The following SIPA1 variants were observed in gnomAD, a reference collection of about 807,000 sequenced individuals.
SIPA1 encodes signal-induced proliferation-associated 1.
Under a neutral mutation model 88.1 loss-of-function variants are expected in SIPA1, and 51 were observed. The observed-to-expected ratio is 0.58, with a 90% CI of 0.46 to 0.73. SIPA1 has a LOEUF of 0.73. Among genes scored for constraint, SIPA1 ranks in the 30% least tolerant of loss-of-function variants. The pLI is 0.00. For missense variants in SIPA1, 1,348 were observed against 1,467.6 expected, an observed-to-expected ratio of 0.92 and a Z score of 1.33; for synonymous variants, 681 against 664.8, an observed-to-expected ratio of 1.02 and a Z score of -0.37.
Position 65,646,229 on chromosome 11 carries a change from G to A in SIPA1, c.1272G>A (p.Arg424=). 1.2e-6 allele frequency: 2 copies of A among 1,613,994 alleles called. No individual in the cohort carries two copies. Among genetic ancestry groups the A allele is most frequent in the Non-Finnish European group, 1.7e-6 (2 of 1,179,990 alleles). The change falls in exon 7 of 16, where the codon CGG becomes CGA. Residue 424 remains arginine (R), a synonymous_variant. Coordinates refer to ENST00000534313, the MANE Select transcript of SIPA1 (RefSeq NM_006747.4). The surrounding 1 kb of genome is among the most constrained non-coding windows in gnomAD (Gnocchi z 7.5). ...TACTATCCAACCCCTAGCTCCTCCG[G>A]AAGCGCCACATTGGCAACGACATTG... ...YTPNNQQQLL[R]KRHIGNDIVT... is the part of the protein sequence containing the mutation.
In SIPA1 at chr11:65,650,703, C is replaced by A. The variant is rs780236671; in HGVS notation, c.3117C>A (p.Ala1039=). The A allele has an allele frequency of 1.1e-5, 17 of 1,579,192 alleles. No individual in the cohort carries two copies. The highest frequency in any genetic ancestry group is 2.3e-5 in the South Asian group (2 of 86,580). Residue 1039 remains alanine (A), a synonymous_variant, in exon 16 of 16, where the codon GCC becomes GCA. Coordinates refer to ENST00000534313, the MANE Select transcript of SIPA1 (RefSeq NM_006747.4). ...LASKQLGSPT[A]DLA is the part of the protein sequence containing the mutation. ...CCAAGCAGCTGGGCTCACCCACCGC[C>A]GACCTGGCCTGAGCCGTCTGGAACC... is the stretch of plus-strand genomic sequence containing the variant.
rs1856026029 is a variant in SIPA1, at chr11:65,642,501, G to T, written c.846G>T (p.Leu282=). 6.2e-7 allele frequency: 1 copy of T among 1,610,532 alleles called. No individual in the cohort carries two copies. The change falls in exon 4 of 16, where the codon CTG becomes CTT. Residue 282 remains leucine (L), a synonymous_variant. Transcript: ENST00000534313. The surrounding 1 kb of genome is among the most constrained non-coding windows in gnomAD (Gnocchi z 6.5). ...GTGGCACCATCTCGGAGGACGCGCTGCCGCCGGGGCCCCCACGGGGTCTGT... is the reference window on the plus strand; with the variant it reads ...GTGGCACCATCTCGGAGGACGCGCTTCCGCCGGGGCCCCCACGGGGTCTGT... The part of the protein sequence containing the change: ...TLRGTISEDA[L]PPGPPRGLSP...
chr11:65,649,389 C>T lies in SIPA1; in HGVS notation c.2434C>T (p.Leu812=), dbSNP rs1402650112. ...PTTKQLLHLC[L]QDGGSPPGPG... ...CACAAAGCAGCTGCTGCACCTGTGC[C>T]TGCAAGATGGTGGCAGTCCTCCAGG... The change falls in exon 10 of 16, where the codon CTG becomes TTG. Residue 812 remains leucine, a synonymous_variant. Coordinates refer to ENST00000534313, the MANE Select transcript of SIPA1 (RefSeq NM_006747.4). The T allele has an allele frequency of 8.9e-6, 14 of 1,579,286 alleles. No individual in the cohort carries two copies. The highest frequency in any genetic ancestry group is 1.1e-5 in the Non-Finnish European group (13 of 1,162,182).
In SIPA1 at chr11:65,646,725, G is replaced by A. The variant is rs1206660528; in HGVS notation, c.1691G>A (p.Arg564His). The change falls in exon 8 of 16, where the codon CGC becomes CAC. Residue 564 changes from arginine (R) to histidine (H), a missense_variant. Transcript: ENST00000534313. This position sits in a 1 kb window ranked among gnomAD's most constrained non-coding sequence, Gnocchi z 7.5. ...GGCCTGCCCTCCCTGGGTGGGAGGC[G>A]CCGGGCGGCCCCTCGGGGCCCAGGC... ...RFGLPSLGGR[R>H]RAAPRGPGAE... 6.5e-7 allele frequency: 1 copy of A among 1,533,028 alleles called. No homozygotes were observed. The highest frequency in any genetic ancestry group is 8.8e-7 in the Non-Finnish European group (1 of 1,142,666). The allele number at this position is 1,533,028 out of a possible 1,614,324, so 95.0% of individuals were successfully genotyped here.
chr11:65,644,697 A>G (rs908759402), intron 4 of SIPA1, among the ~76,000 whole-genome samples: 1 of 151,748 alleles, frequency 6.6e-6, no homozygotes, highest in Admixed American at 6.6e-5. Flanking sequence ...GATAATGTGT[A>G]TGTTTATTGG....
chr11:65,647,618 G>C lies in SIPA1; in HGVS notation c.2266G>C (p.Val756Leu). ...CCTGCGCTCGGCGCCCAAGGTCTGCGTCACCGTCCTGCCCCCCGACGAGAG... is the reference window on the plus strand; with the variant it reads ...CCTGCGCTCGGCGCCCAAGGTCTGCCTCACCGTCCTGCCCCCCGACGAGAG... ...QLLRSAPKVC[V>L]TVLPPDESGR... is the part of the protein sequence containing the mutation. Residue 756 changes from valine to leucine, a missense_variant, in exon 9 of 16, where the codon GTC becomes CTC. Transcript: ENST00000534313. 7.1e-7 allele frequency: 1 copy of C among 1,408,958 alleles called. No individual in the cohort carries two copies. The highest frequency in any genetic ancestry group is 9.2e-7 in the Non-Finnish European group (1 of 1,085,748). 87.3% of individuals were successfully genotyped at this position (1,408,958 alleles called of 1,614,324 possible).
Position 65,650,460 on chromosome 11 carries a change from T to G in SIPA1, c.2963T>G (p.Leu988Arg). The G allele has an allele frequency of 6.2e-7, 1 of 1,614,150 alleles. No individual in the cohort carries two copies. Among genetic ancestry groups the G allele is most frequent in the Non-Finnish European group, 8.5e-7 (1 of 1,180,020 alleles). Residue 988 changes from leucine (L) to arginine (R), a missense_variant, in exon 15 of 16, where the codon CTG becomes CGG. This residue lies in a region of SIPA1 where 615 missense variants were observed against 559.8 expected (regional missense o/e 1.10). Transcript: ENST00000534313. ...CACTTGGAGTCCATGCTCAGGAAGC[T>G]GCAGGAGGACCTGCAGAAGGTGAGG... The part of the protein sequence containing the change: ...VSHLESMLRK[L>R]QEDLQKEKAD...
Position 65,640,897 on chromosome 11 carries a change from C to T in SIPA1, c.-25C>T. 4.1e-6 allele frequency: 6 copies of T among 1,463,684 alleles called. No individual in the cohort carries two copies. Among genetic ancestry groups the T allele is most frequent in the Non-Finnish European group, 4.5e-6 (5 of 1,116,918 alleles). The allele number at this position is 1,463,684 out of a possible 1,614,324, so 90.7% of individuals were successfully genotyped here. ...CCCGTGCCCGCCAATGCGGCCCAGC[C>T]CCCGGAGAGTCAGGCCCACAGAGCA... On this transcript the variant is annotated 5_prime_UTR_variant, in exon 2 of 16. Transcript: ENST00000534313.
intron 10 of SIPA1, 35 bp downstream of exon 10, chr11:65,649,515 T>A (rs1014837726): frequency 6.2e-7 from 1 of 1,613,794 alleles, no homozygotes; most frequent in Non-Finnish European, 8.5e-7. Flanking sequence ...CCTCCAGGCC[T>A]CTGGGAAAGC....
At position 65,641,160 on chromosome 11, in the gene SIPA1, G is replaced by A. The variant is rs35045265; in HGVS notation, c.239G>A (p.Arg80Gln). 9.5e-5 allele frequency: 152 copies of A among 1,607,310 alleles called. No homozygotes were observed. In the African/African-American group the frequency reaches 1.9e-3, roughly 20 times the overall value. ...GCCCACAGCCACGAAGAGGCCAGCC[G>A]ACCTGCAGCCACTTCCACCCGGCTC... is the stretch of plus-strand genomic sequence containing the variant. The part of the protein sequence containing the change: ...ARAHSHEEAS[R>Q]PAATSTRLFT... The change falls in exon 2 of 16, where the codon CGA becomes CAA. Residue 80 changes from arginine to glutamine, a missense_variant. By Grantham distance (43) the Arg-to-Gln change is conservative. Transcript: ENST00000534313.
At chr11:65,650,349 G>C in intron 14 of SIPA1, 52 bp from the exon 15 acceptor site, 2 of 1,589,076 alleles carry the variant, frequency 1.3e-6, no homozygotes, top group Non-Finnish European at 1.7e-6. Flanking sequence ...GAGTCAGCTG[G>C]TGCACTGCCC....
At position 65,649,564 on chromosome 11, in the gene SIPA1, T is replaced by G; in HGVS notation, c.2529T>G (p.Ser843=). The G allele has an allele frequency of 6.2e-7, 1 of 1,614,050 alleles. No homozygotes were observed. The highest frequency in any genetic ancestry group is 8.5e-7 in the Non-Finnish European group (1 of 1,179,996). ...GAGCCACCCCTGCTCTCCCCAGCTC[T>G]CTGTCGGATGAGGCCCCAGTCCTGC... The part of the protein sequence containing the change: ...HSQNSLSPRS[S]LSDEAPVLPN... The change falls in exon 11 of 16, where the codon TCT becomes TCG. Residue 843 remains serine (S), a synonymous_variant. Coordinates refer to ENST00000534313, the MANE Select transcript of SIPA1 (RefSeq NM_006747.4).
chr11:65,645,957 G>C lies in SIPA1; in HGVS notation c.1263G>C (p.Gln421His). 1 of 1,607,134 alleles carries C rather than the reference G, an allele frequency of 6.2e-7. No homozygotes were observed. Among genetic ancestry groups the C allele is most frequent in the Non-Finnish European group, 8.5e-7 (1 of 1,175,180 alleles). The stretch of plus-strand genomic sequence containing the variant: ...CTTACACCCCTAATAACCAGCAGCA[G>C]GTGTGAGGGGGACCAACGTGGGGGT... ...MLPYTPNNQQQLLRKRHIGND... is the reference protein window; with the variant it reads ...MLPYTPNNQQHLLRKRHIGND... Residue 421 changes from glutamine to histidine, a missense_variant and splice_region_variant, in exon 6 of 16, where the codon CAG (glutamine) becomes CAC (histidine). Coordinates refer to ENST00000534313, the MANE Select transcript of SIPA1 (RefSeq NM_006747.4).
rs1590922194 is a variant in SIPA1 at position 65,646,195 on chromosome 11, A to G, written c.1264-26A>G. ...GGTTTGGGGCACAGAAGACCTCATC[A>G]CGAGCCCCTACTATCCAACCCCTAG... On this transcript the variant is annotated intron_variant, in intron 6 of 15. Transcript: ENST00000534313. The surrounding 1 kb of genome is among the most constrained non-coding windows in gnomAD (Gnocchi z 7.5). 6.2e-7 allele frequency: 1 copy of G among 1,611,216 alleles called. No individual in the cohort carries two copies. The highest frequency in any genetic ancestry group is 8.5e-7 in the Non-Finnish European group (1 of 1,178,804).
intron 9 of SIPA1, among the ~76,000 whole-genome samples, chr11:65,648,116 A>C (rs1231833585): frequency 6.6e-6 from 1 of 152,020 alleles, no homozygotes; most frequent in African/African-American, 2.4e-5. Context: ...CAGGTGATCC[A>C]CCTGCCTCGC....
rs1565184086 is a variant in SIPA1, at chr11:65,649,923, A to C, written c.2747-27A>C. On this transcript the variant is annotated intron_variant, in intron 12 of 15. Transcript: ENST00000534313. ...TTGGGGGGTGCTCCTGGGCTTCCCTAGCTCAGCCTGCTCCTTGTGCCCACA... is the reference window on the plus strand; with the variant it reads ...TTGGGGGGTGCTCCTGGGCTTCCCTCGCTCAGCCTGCTCCTTGTGCCCACA... 3 of 1,613,610 alleles carry C rather than the reference A, an allele frequency of 1.9e-6. No individual in the cohort carries two copies. In the Admixed American group the frequency reaches 5.0e-5, roughly 27 times the overall value.
Position 65,646,279 on chromosome 11 carries a change from G to A in SIPA1, c.1322G>A (p.Gly441Asp). The change falls in exon 7 of 16, where the codon GGC becomes GAC. Residue 441 changes from glycine (G) to aspartate (D), a missense_variant. Gly to Asp is a moderately conservative substitution (Grantham distance 94). This residue lies in a region of SIPA1 where 641 missense variants were observed against 797.7 expected (regional missense o/e 0.80). Transcript: ENST00000534313. This position sits in a 1 kb window ranked among gnomAD's most constrained non-coding sequence, Gnocchi z 7.5. ...DIVTIVFQEP[G>D]SKPFCPTTIR... The stretch of plus-strand genomic sequence containing the variant: ...GTGACCATCGTGTTCCAGGAGCCTG[G>A]CAGCAAGCCCTTCTGCCCCACCACC... The A allele has an allele frequency of 6.2e-7, 1 of 1,614,104 alleles. No homozygotes were observed. Among genetic ancestry groups the A allele is most frequent in the African/African-American group, 1.3e-5 (1 of 75,036 alleles).
intron 8 of SIPA1, 25 bp downstream of exon 8, chr11:65,647,090 C>A: frequency 6.7e-7 from 1 of 1,483,768 alleles, no homozygotes. Flanking sequence ...TAAACTGGGG[C>A]CCCTGCGCGC....
chr11:65,647,732 G>A (rs1305241699), intron 9 of SIPA1, 74 bp downstream of exon 9: 3 of 1,187,102 alleles, frequency 2.5e-6, no homozygotes, highest in South Asian at 2.6e-5. Flanking sequence ...CTCCCGGGTC[G>A]CCATCAGCAG....
Sources: allele counts gnomAD v4.1 joint callset (sites outside exome capture counted in the v4.1 genomes callset), GRCh38; gene constraint gnomAD v4.1.1; regional missense constraint gnomAD v4.1.1; non-coding constraint Gnocchi (gnomAD v3.1); transcripts MANE v1.5; gene names NCBI Gene and HGNC (gene_info 2026-07-23, HGNC 2026-07-21).